Variants in CCDC170 observed in about 807,000 individuals in gnomAD.
The protein encoded by CCDC170 is coiled-coil domain-containing protein 170.
A neutral mutation model predicts 72.6 loss-of-function variants in CCDC170; 69 were observed. The ratio of observed to expected loss-of-function variants is 0.95; its 90% CI spans 0.78 to 1.16. CCDC170 has a LOEUF of 1.16. Ranked by LOEUF, CCDC170 falls within the 50% of genes most tolerant of loss-of-function variation. CCDC170 has a pLI of 0.00. For missense variants in CCDC170, 852 were observed against 832.5 expected, an observed-to-expected ratio of 1.02 and a Z score of -0.29; for synonymous variants, 300 against 303.9, an observed-to-expected ratio of 0.99 and a Z score of 0.13.
At chr6:151,537,780 A>G (rs1358645802) in intron 2 of CCDC170, among the ~76,000 whole-genome samples, 3 of 152,358 alleles carry the variant, frequency 2.0e-5, no homozygotes, top group East Asian at 1.9e-4. Flanking sequence ...TGCTTATGCA[A>G]TCAACATCAT....
chr6:151,578,257 C>T (rs12205290), intron 6 of CCDC170, among the ~76,000 whole-genome samples: 1 of 151,934 alleles, frequency 6.6e-6, no homozygotes, highest in East Asian at 1.9e-4. Flanking sequence ...CGCAACTGGG[C>T]GGCTTAAATA....
intron 5 of CCDC170, among the ~76,000 whole-genome samples, chr6:151,571,498 C>T (rs571499336): frequency 2.0e-5 from 3 of 152,220 alleles, no homozygotes; most frequent in Non-Finnish European, 4.4e-5. Context: ...GAGGCCGAAG[C>T]GGGTAGATCA....
chr6:151,602,349 A>C (rs889845019), intron 9 of CCDC170, among the ~76,000 whole-genome samples: 3 of 152,182 alleles, frequency 2.0e-5, no homozygotes, highest in Non-Finnish European at 4.4e-5. Context: ...GAAATTTCTT[A>C]ATCTTATTAT....
chr6:151,499,900 A>G (rs1341140133), intron 1 of CCDC170, among the ~76,000 whole-genome samples: 1 of 152,202 alleles, frequency 6.6e-6, no homozygotes, highest in Non-Finnish European at 1.5e-5. Flanking sequence ...TAATGCTGCT[A>G]TGAAAATGAG....
At chr6:151,503,954 A>G (rs1782030244) in intron 1 of CCDC170, among the ~76,000 whole-genome samples, 1 of 152,190 alleles carries the variant, frequency 6.6e-6, no homozygotes, top group Non-Finnish European at 1.5e-5. Context: ...TCAACAGACT[A>G]AATATACTTG....
chr6:151,607,399 T>C (rs1428071636), intron 9 of CCDC170, among the ~76,000 whole-genome samples: 1 of 152,168 alleles, frequency 6.6e-6, no homozygotes, highest in Non-Finnish European at 1.5e-5. Context: ...AGTTTGCAGT[T>C]TGGTGATTTT....
intron 1 of CCDC170, among the ~76,000 whole-genome samples, chr6:151,521,798 A>G (rs111615840): frequency 0.02 from 3,083 of 152,128 alleles, 88 homozygotes; most frequent in African/African-American, 0.069. Flanking sequence ...CCTGGCCAAC[A>G]TTGTGAAATC....
At chr6:151,546,380 C>T (rs1319515784) in intron 4 of CCDC170, among the ~76,000 whole-genome samples, 3 of 152,180 alleles carry the variant, frequency 2.0e-5, no homozygotes, top group Non-Finnish European at 4.4e-5. Context: ...GCTGCTTCTT[C>T]CGTGACACAC....
chr6:151,577,677 G>T (rs140416430), intron 6 of CCDC170, among the ~76,000 whole-genome samples: 14 of 152,158 alleles, frequency 9.2e-5, no homozygotes, highest in Admixed American at 5.2e-4. Flanking sequence ...CTCTGGCTGC[G>T]CACCCGCACC....
At chr6:151,582,008 A>G (rs550888435) in intron 6 of CCDC170, among the ~76,000 whole-genome samples, 2 of 152,350 alleles carry the variant, frequency 1.3e-5, no homozygotes, top group South Asian at 2.1e-4. Flanking sequence ...TAGATTTAGC[A>G]TATTTCTTAA....
At position 151,544,626 on chromosome 6, in the gene CCDC170, G is replaced by T. The variant is rs1183186242; in HGVS notation, c.498G>T (p.Arg166Ser). The change falls in exon 4 of 11, where the codon AGG becomes AGT. Residue 166 changes from arginine to serine, a missense_variant. Arg to Ser is a moderately radical substitution (Grantham distance 110). Transcript: ENST00000239374. ...ENKKQVSKNC[R>S]KHEEFLTQLR... ...AGAAACAAGTTTCAAAGAATTGCAG[G>T]AAACATGAGGAATTTCTGACTCAAC... The T allele has an allele frequency of 6.2e-7, 1 of 1,613,556 alleles. No individual in the cohort carries two copies. The highest frequency in any genetic ancestry group is 1.1e-5 in the South Asian group (1 of 91,036).
At chr6:151,498,808 T>C (rs914090140) in intron 1 of CCDC170, among the ~76,000 whole-genome samples, 12 of 151,238 alleles carry the variant, frequency 7.9e-5, no homozygotes, top group Admixed American at 2.0e-4. Flanking sequence ...ATTCTAGGCA[T>C]GCTGTATAAG....
intron 1 of CCDC170, among the ~76,000 whole-genome samples, chr6:151,515,319 GT>G (rs1782218669): frequency 6.6e-6 from 1 of 152,194 alleles, no homozygotes. Context: ...GTCTCACTCT[GT>G]CACCCAGACT....
At chr6:151,584,614 T>A (rs959707239) in intron 6 of CCDC170, among the ~76,000 whole-genome samples, 1 of 152,214 alleles carries the variant, frequency 6.6e-6, no homozygotes, top group African/African-American at 2.4e-5. Flanking sequence ...TTTTGCCTGT[T>A]TATACTTTTT....
At chr6:151,602,989 T>C (rs992291394) in intron 9 of CCDC170, among the ~76,000 whole-genome samples, 19 of 151,948 alleles carry the variant, frequency 1.3e-4, no homozygotes, top group African/African-American at 4.6e-4. Flanking sequence ...TTAGTAGAGA[T>C]GGGGTTTCAC....
In CCDC170 at chr6:151,518,775, C is replaced by T. The variant is rs183256278; in HGVS notation, c.58-17543C>T. On this transcript the variant is annotated intron_variant, in intron 1 of 10. Transcript: ENST00000239374. Reference sequence around the variant, plus strand: ...GGCCTCCATGGGTGACATCACATATCGGTAGGACCATGATGCCCACCTGAG... The same window carrying T: ...GGCCTCCATGGGTGACATCACATATTGGTAGGACCATGATGCCCACCTGAG... 2.5e-4 allele frequency among the ~76,000 whole-genome samples: 38 copies of T among 152,232 alleles called. No homozygotes were observed. In the East Asian group the frequency reaches 5.6e-3, roughly 22 times the overall value.
rs1455828410 is a variant in CCDC170, at chr6:151,619,934, A to G, written c.*1787A>G. 6.6e-6 allele frequency: 1 copy of G among 152,228 alleles called. No individual in the cohort carries two copies. Among genetic ancestry groups the G allele is most frequent in the Non-Finnish European group, 1.5e-5 (1 of 68,044 alleles). 9.4% of individuals were successfully genotyped at this position (152,228 alleles called of 1,614,324 possible). ...AATCAATTGCAAGGGTCAAAACTAG[A>G]TTGGATCTTGGTTTGAATGAAAAAA... On this transcript the variant is annotated 3_prime_UTR_variant, in exon 11 of 11. Coordinates refer to ENST00000239374, the MANE Select transcript of CCDC170 (RefSeq NM_025059.4).
intron 7 of CCDC170, among the ~76,000 whole-genome samples, chr6:151,589,263 C>T (rs918738832): frequency 9.0e-6 from 1 of 111,186 alleles, no homozygotes; most frequent in Non-Finnish European, 2.3e-5. Flanking sequence ...AACAAACAAA[C>T]AAACAAACAA....
intron 9 of CCDC170, among the ~76,000 whole-genome samples, chr6:151,613,660 T>C (rs751744785): frequency 3.9e-5 from 6 of 152,248 alleles, no homozygotes; most frequent in Non-Finnish European, 5.9e-5. Flanking sequence ...TGTGGTAGCA[T>C]GTCCCAGTAC....
Sources: gnomAD v4.1 joint callset for allele counts (sites outside exome capture counted in the v4.1 genomes callset) on GRCh38, gnomAD v4.1.1 for gene constraint, MANE v1.5 for transcripts, NCBI Gene and HGNC (gene_info 2026-07-23, HGNC 2026-07-21) for gene names.